The following LONRF2 variants were observed in gnomAD, a reference collection of about 807,000 sequenced individuals.
The protein encoded by LONRF2 is LON peptidase N-terminal domain and RING finger protein 2.
In LONRF2, 35 loss-of-function variants were observed where a neutral mutation model predicts 66.6. The ratio of observed to expected loss-of-function variants is 0.53; its 90% CI spans 0.40 to 0.70. LONRF2 has a LOEUF of 0.70. Ranked by LOEUF, LONRF2 falls within the 30% of genes least tolerant of loss-of-function variation. The pLI, the probability that LONRF2 is intolerant of heterozygous loss-of-function variation, is 0.00. For synonymous variants in LONRF2, 417 were observed against 418.1 expected, an observed-to-expected ratio of 1.00 and a Z score of 0.03; for missense variants, 902 against 1,002.1, an observed-to-expected ratio of 0.90 and a Z score of 1.35.
chr2:100,315,174 ATTAAACATCTT>A (rs1407730496), intron 1 of LONRF2, among the ~76,000 whole-genome samples: 3 of 152,232 alleles, frequency 2.0e-5, no homozygotes, highest in Non-Finnish European at 4.4e-5. Context: ...GTGTAGAGGT[ATTAAACATCTT>A]TCAGCTATTT....
rs201382263 is a variant in LONRF2 at position 100,302,998 on chromosome 2, T to C, written c.844A>G (p.Lys282Glu). ...AQALSGLGRS[K>E]EVLKEFLYCL... ...TAGAGAAATTCCTTTAACACTTCCT[T>C]ACTTCTTCCCAATCCAGAAAGAGCC... is the stretch of plus-strand genomic sequence containing the variant. The change falls in exon 3 of 12, where the codon AAG becomes GAG. Residue 282 changes from lysine (K) to glutamate (E), a missense_variant. By Grantham distance (56) the Lys-to-Glu change is moderately conservative (BLOSUM62 1). Around this residue, in one of 2 missense-constraint regions of LONRF2, gnomAD observed 585 missense variants for 569.9 expected, o/e 1.03. Coordinates refer to ENST00000393437, the MANE Select transcript of LONRF2 (RefSeq NM_198461.4). The C allele has an allele frequency of 6.1e-5, 99 of 1,611,330 alleles. No homozygotes were observed. The highest frequency in any genetic ancestry group is 8.2e-5 in the Non-Finnish European group (97 of 1,178,486).
At chr2:100,287,213 A>AGAAATCTGCATTTTTTGCATAGTT in intron 10 of LONRF2, 150 bp from the exon 11 acceptor site, 1 of 694,470 alleles carries the variant, frequency 1.4e-6, no homozygotes. Flanking sequence ...TGCTCAATAT[A>AGAAATCTGCATTTTTTGCATAGTT]GAAATCTGCA....
Position 100,283,999 on chromosome 2 carries a change from T to C in LONRF2, c.*299A>G, listed in dbSNP as rs184051138. 4.3e-6 allele frequency: 1 copy of C among 232,524 alleles called. No individual in the cohort carries two copies. Among genetic ancestry groups the C allele is most frequent in the Admixed American group, 5.4e-5 (1 of 18,568 alleles). The allele number at this position is 232,524 out of a possible 1,614,324, so 14.4% of individuals were successfully genotyped here. A position where few individuals can be genotyped will look rare whatever the true frequency, so the allele number is the denominator to read the frequency against. On this transcript the variant is annotated 3_prime_UTR_variant, in exon 12 of 12. Transcript: ENST00000393437. Reference sequence around the variant, plus strand: ...TGAAACCCAAACCACATGTAAACCATCTGCAGGGTCCTGTGCTGTCAGTGA... The same window carrying C: ...TGAAACCCAAACCACATGTAAACCACCTGCAGGGTCCTGTGCTGTCAGTGA...
In LONRF2 at chr2:100,279,961, A is replaced by G. The variant is rs533761665; in HGVS notation, c.*4337T>C. 3.9e-5 allele frequency: 6 copies of G among 152,030 alleles called. No individual in the cohort carries two copies. Among genetic ancestry groups the G allele is most frequent in the Admixed American group, 3.9e-4 (6 of 15,278 alleles). The allele number at this position is 152,030 out of a possible 1,614,324, so 9.4% of individuals were successfully genotyped here. On this transcript the variant is annotated 3_prime_UTR_variant, in exon 12 of 12. Transcript: ENST00000393437. Reference sequence around the variant, plus strand: ...GGTCTGCTGGGCCTCTCCTTCTTTCATTTCTGTAGGAATTGTGAGAACAGT... The same window carrying G: ...GGTCTGCTGGGCCTCTCCTTCTTTCGTTTCTGTAGGAATTGTGAGAACAGT...
rs1451832677 is a variant in LONRF2, at chr2:100,278,439, A to ATCCGATAC, written c.*5851_*5858dup. 1 of 152,174 alleles carries ATCCGATAC rather than the reference A, an allele frequency of 6.6e-6. No homozygotes were observed. Among genetic ancestry groups the ATCCGATAC allele is most frequent in the African/African-American group, 2.4e-5 (1 of 41,412 alleles). 9.4% of individuals were successfully genotyped at this position (152,174 alleles called of 1,614,324 possible). On this transcript the variant is annotated 3_prime_UTR_variant, in exon 12 of 12. Transcript: ENST00000393437. ...GCTCCCACAGGCCGTGCAGCTGCTC[A>ATCCGATAC]TCCGATACGGGACCCACTTGAGCCT...
rs371833670 is a variant in LONRF2 at position 100,301,465 on chromosome 2, A to G, written c.922-678T>C. On this transcript the variant is annotated intron_variant, in intron 3 of 11. Transcript: ENST00000393437. ...CTCCTCCCACTCTCCACTGTTCCTCATGGTTCAAGGTGAGTGCGCTAGAAT... is the reference window on the plus strand; with the variant it reads ...CTCCTCCCACTCTCCACTGTTCCTCGTGGTTCAAGGTGAGTGCGCTAGAAT... 7.2e-5 allele frequency among the ~76,000 whole-genome samples: 11 copies of G among 152,348 alleles called. 1 individual carries two copies. In the South Asian group the frequency reaches 1.5e-3, roughly 20 times the overall value.
chr2:100,297,249 C>G (rs1267528847), intron 7 of LONRF2, among the ~76,000 whole-genome samples: 2 of 152,136 alleles, frequency 1.3e-5, no homozygotes, highest in Non-Finnish European at 2.9e-5. Flanking sequence ...CTGTCTCAGC[C>G]TCCCGAGCAG....
intron 2 of LONRF2, among the ~76,000 whole-genome samples, chr2:100,306,948 T>C (rs1675305853): frequency 6.9e-6 from 1 of 145,610 alleles, no homozygotes; most frequent in Admixed American, 7.1e-5. Flanking sequence ...TGAGGTGGAG[T>C]CTCGCTCTGT....
intron 1 of LONRF2, among the ~76,000 whole-genome samples, 159 bp downstream of exon 1, chr2:100,321,256 C>T (rs1241171918): frequency 6.6e-6 from 1 of 152,196 alleles, no homozygotes; most frequent in Non-Finnish European, 1.5e-5. Flanking sequence ...GTGTGGCCGC[C>T]CCCACCTTTC....
intron 7 of LONRF2, 23 bp downstream of exon 7, chr2:100,298,813 G>T: frequency 6.4e-7 from 1 of 1,565,582 alleles, no homozygotes; most frequent in Non-Finnish European, 8.8e-7. Flanking sequence ...GAGCTGTCCC[G>T]TCATTTCCTA....
rs1674804978 is a variant in LONRF2, at chr2:100,284,501, G to T, written c.2071-9C>A. ...GGGCCGCTGGGATTACTCTGCAAAAGAGATGAGGGGAAAGCAAGGTTAACA... is the reference window on the plus strand; with the variant it reads ...GGGCCGCTGGGATTACTCTGCAAAATAGATGAGGGGAAAGCAAGGTTAACA... On this transcript the variant is annotated splice_polypyrimidine_tract_variant and intron_variant, in intron 11 of 11. Transcript: ENST00000393437. The T allele has an allele frequency of 1.9e-6, 3 of 1,544,634 alleles. No individual in the cohort carries two copies. The highest frequency in any genetic ancestry group is 2.0e-5 in the Admixed American group (1 of 49,084).
rs1480647765 is a variant in LONRF2, at chr2:100,322,004, G to A, written c.90C>T (p.Gly30=). Reference sequence around the variant, plus strand: ...AGTCGCCCGCGCGGAAGGCCTCGTCGCCCTCCTCTAAGCGCTGGGCGATCG... The same window carrying A: ...AGTCGCCCGCGCGGAAGGCCTCGTCACCCTCCTCTAAGCGCTGGGCGATCG... ...AEPIAQRLEE[G]DEAFRAGDYE... Residue 30 remains glycine (G), a synonymous_variant, in exon 1 of 12, where the codon GGC becomes GGT. Transcript: ENST00000393437. 1 of 1,453,474 alleles carries A rather than the reference G, an allele frequency of 6.9e-7. No homozygotes were observed. The allele number at this position is 1,453,474 out of a possible 1,614,324, so 90.0% of individuals were successfully genotyped here. A position where few individuals can be genotyped will look rare whatever the true frequency, so the allele number is the denominator to read the frequency against.
intron 1 of LONRF2, among the ~76,000 whole-genome samples, chr2:100,312,820 TTAGGC>T (rs1675434148): frequency 6.6e-6 from 1 of 152,218 alleles, no homozygotes. Context: ...GGATTAAACC[TTAGGC>T]TCAACAAAAC....
intron 1 of LONRF2, among the ~76,000 whole-genome samples, chr2:100,320,011 G>A (rs968900382): frequency 6.6e-6 from 1 of 152,128 alleles, no homozygotes; most frequent in Non-Finnish European, 1.5e-5. Flanking sequence ...TATTTCTGAT[G>A]AAAATTTGAT....
rs1270688684 is a variant in LONRF2, at chr2:100,279,420, G to GT, written c.*4877dup. 4.0e-5 allele frequency: 6 copies of GT among 151,556 alleles called. No homozygotes were observed. Among genetic ancestry groups the GT allele is most frequent in the African/African-American group, 1.5e-4 (6 of 41,238 alleles). 9.4% of individuals were successfully genotyped at this position (151,556 alleles called of 1,614,324 possible). A position where few individuals can be genotyped will look rare whatever the true frequency, so the allele number is the denominator to read the frequency against. ...GCCTAAGGGACTCCTGTATCTCCAC[G>GT]TGTCTTCCTCCTTTCTACTCTCAGA... On this transcript the variant is annotated 3_prime_UTR_variant, in exon 12 of 12. Coordinates refer to ENST00000393437, the MANE Select transcript of LONRF2 (RefSeq NM_198461.4).
chr2:100,306,569 TG>T (rs1260767558), intron 2 of LONRF2, among the ~76,000 whole-genome samples: 1 of 152,224 alleles, frequency 6.6e-6, no homozygotes, highest in Non-Finnish European at 1.5e-5. Flanking sequence ...AATATTTTGC[TG>T]GCAATGGATT....
At chr2:100,315,773 T>C (rs913183317) in intron 1 of LONRF2, among the ~76,000 whole-genome samples, 56 of 152,318 alleles carry the variant, frequency 3.7e-4, no homozygotes, top group African/African-American at 1.3e-3. Context: ...GCAACTATAT[T>C]CGTAAGAAAC....
rs189384773 is a variant in LONRF2 at position 100,304,755 on chromosome 2, C to G, written c.799-1712G>C. On this transcript the variant is annotated intron_variant, in intron 2 of 11. Coordinates refer to ENST00000393437, the MANE Select transcript of LONRF2 (RefSeq NM_198461.4). ...TCTCCTGCCTCAGCCTCCTGAGTAGCTGGGACTACAGGCGCCTGCCACCAT... is the reference window on the plus strand; with the variant it reads ...TCTCCTGCCTCAGCCTCCTGAGTAGGTGGGACTACAGGCGCCTGCCACCAT... 7.2e-3 allele frequency among the ~76,000 whole-genome samples: 1,068 copies of G among 147,622 alleles called. 13 individuals are homozygous for G. The highest frequency in any genetic ancestry group is 0.026 in the African/African-American group (1,025 of 39,836).
At chr2:100,286,858 C>A in intron 11 of LONRF2, 56 bp downstream of exon 11, 1 of 1,571,346 alleles carries the variant, frequency 6.4e-7, no homozygotes, top group Non-Finnish European at 8.6e-7. Context: ...AGAATGATGG[C>A]TCAGCACACT....
Sources: gnomAD v4.1 joint callset for allele counts (sites outside exome capture counted in the v4.1 genomes callset) on GRCh38, gnomAD v4.1.1 for gene constraint, gnomAD v4.1.1 regional missense constraint, MANE v1.5 for transcripts, NCBI Gene and HGNC (gene_info 2026-07-23, HGNC 2026-07-21) for gene names.